The following NTM variants were observed in gnomAD, a reference collection of about 807,000 sequenced individuals.
NTM encodes the protein neurotrimin.
In NTM, 13 loss-of-function variants were observed where a neutral mutation model predicts 42.1. The observed-to-expected ratio is 0.31, with a 90% CI of 0.20 to 0.49. The LOEUF (loss-of-function observed/expected upper bound fraction) is 0.49. NTM is among the 20% of genes least tolerant of loss of function. NTM has a pLI of 0.99. For synonymous variants in NTM, 187 were observed against 179.2 expected (o/e 1.04, Z -0.35); for missense variants, 373 against 452.8 (o/e 0.82, Z 1.60).
intron 1 of NTM, among the ~76,000 whole-genome samples, chr11:131,873,636 CACAT>C (rs1457814810): frequency 9.3e-6 from 1 of 107,632 alleles, no homozygotes; most frequent in African/African-American, 5.3e-5. Flanking sequence ...TATATATATA[CACAT>C]ATATATATAC....
At chr11:131,470,746 T>G (rs1952358061) in intron 1 of NTM, among the ~76,000 whole-genome samples, 1 of 152,096 alleles carries the variant, frequency 6.6e-6, no homozygotes. Flanking sequence ...TGGTCTTCAT[T>G]TGCATGCAGT....
At chr11:131,762,404 G>A (rs1255099197) in intron 1 of NTM, among the ~76,000 whole-genome samples, 3 of 152,258 alleles carry the variant, frequency 2.0e-5, no homozygotes, top group East Asian at 1.9e-4. Flanking sequence ...GAGACAAAAT[G>A]ACGACAGAGG....
intron 1 of NTM, among the ~76,000 whole-genome samples, chr11:131,695,843 A>G (rs1276347290): frequency 6.6e-6 from 1 of 152,158 alleles, no homozygotes; most frequent in East Asian, 1.9e-4. Flanking sequence ...AGAGAGGCAA[A>G]CTTTCCCAAG....
intron 1 of NTM, among the ~76,000 whole-genome samples, chr11:131,616,975 G>T (rs1437972967): frequency 6.6e-6 from 1 of 152,194 alleles, no homozygotes; most frequent in East Asian, 1.9e-4. Context: ...CACCCCAGAT[G>T]CTGGGTTTGG....
intron 1 of NTM, among the ~76,000 whole-genome samples, chr11:131,634,356 CT>C (rs2064096975): frequency 6.6e-6 from 1 of 151,182 alleles, no homozygotes; most frequent in Non-Finnish European, 1.5e-5. Context: ...TCTAATAACT[CT>C]TCTTGAAAGA....
chr11:131,947,117 A>G (rs886994246), intron 2 of NTM, among the ~76,000 whole-genome samples: 5 of 152,348 alleles, frequency 3.3e-5, no homozygotes, highest in East Asian at 1.9e-4. Flanking sequence ...CATTTGCCAC[A>G]CTGGTAGTTA....
intron 1 of NTM, among the ~76,000 whole-genome samples, chr11:131,598,298 G>A (rs1324684368): frequency 6.6e-6 from 1 of 152,234 alleles, no homozygotes; most frequent in Non-Finnish European, 1.5e-5. Context: ...TCTTCTAGTT[G>A]TGGTGCCAGA....
intron 4 of NTM, among the ~76,000 whole-genome samples, chr11:132,257,934 G>A (rs929056789): frequency 9.2e-5 from 14 of 152,198 alleles, no homozygotes; most frequent in Non-Finnish European, 1.9e-4. Flanking sequence ...TGCCGTCCTA[G>A]TGGAGCTGGC....
At chr11:131,520,855 G>A (rs934545602) in intron 1 of NTM, among the ~76,000 whole-genome samples, 2 of 152,064 alleles carry the variant, frequency 1.3e-5, no homozygotes, top group Non-Finnish European at 2.9e-5. Flanking sequence ...AACTGAGGTT[G>A]AGTAATTTAT....
chr11:131,864,037 T>A (rs1411330415), intron 1 of NTM, among the ~76,000 whole-genome samples: 2 of 151,736 alleles, frequency 1.3e-5, no homozygotes, highest in Non-Finnish European at 2.9e-5. Flanking sequence ...GTGCCCAGCA[T>A]AAGAAGTCGG....
At chr11:132,233,559 CTT>C (rs1463214555) in intron 4 of NTM, among the ~76,000 whole-genome samples, 1 of 152,164 alleles carries the variant, frequency 6.6e-6, no homozygotes, top group African/African-American at 2.4e-5. Context: ...TATTTCATGA[CTT>C]GTGCAAATTA....
intron 4 of NTM, among the ~76,000 whole-genome samples, chr11:132,219,777 G>A: frequency 6.6e-6 from 1 of 152,152 alleles, no homozygotes; most frequent in East Asian, 1.9e-4. Context: ...CACATAGTAT[G>A]TGTCCAATAA....
At chr11:132,202,035 C>G (rs2081241353) in intron 3 of NTM, among the ~76,000 whole-genome samples, 1 of 152,194 alleles carries the variant, frequency 6.6e-6, no homozygotes, top group South Asian at 2.1e-4. Context: ...TGTTCTCTTC[C>G]TCACGAAATT....
At chr11:132,166,238 A>G (rs1461267647) in intron 3 of NTM, among the ~76,000 whole-genome samples, 1 of 152,182 alleles carries the variant, frequency 6.6e-6, no homozygotes, top group Non-Finnish European at 1.5e-5. Context: ...ACTTAGTTCC[A>G]GGTGTCATTT....
intron 4 of NTM, among the ~76,000 whole-genome samples, chr11:132,268,134 G>T (rs1298836273): frequency 2.6e-5 from 4 of 152,126 alleles, no homozygotes; most frequent in African/African-American, 9.7e-5. Context: ...AATGTGTAAA[G>T]ATTTTGCCAC....
intron 3 of NTM, among the ~76,000 whole-genome samples, chr11:132,166,358 C>T (rs1043756072): frequency 1.3e-5 from 2 of 152,114 alleles, no homozygotes; most frequent in Non-Finnish European, 2.9e-5. Flanking sequence ...ACCTCACCCA[C>T]GATAATCTAG....
intron 1 of NTM, among the ~76,000 whole-genome samples, chr11:131,619,307 C>T (rs1426815505): frequency 6.6e-6 from 1 of 152,100 alleles, no homozygotes; most frequent in East Asian, 1.9e-4. Flanking sequence ...GGGGAGGCAG[C>T]CAAGACTTGC....
chr11:131,687,088 G>A (rs1162529765), intron 1 of NTM, among the ~76,000 whole-genome samples: 2 of 152,196 alleles, frequency 1.3e-5, no homozygotes, highest in East Asian at 1.9e-4. Context: ...CCTCACTTGC[G>A]GGTCAGGACT....
At chr11:132,218,255 C>T (rs2084341591) in intron 4 of NTM, among the ~76,000 whole-genome samples, 1 of 152,088 alleles carries the variant, frequency 6.6e-6, no homozygotes, top group Admixed American at 6.5e-5. Flanking sequence ...GGGCAACCAC[C>T]CAACACCAAA....
Sources: gnomAD v4.1 joint callset for allele counts (sites outside exome capture counted in the v4.1 genomes callset) on GRCh38, gnomAD v4.1.1 for gene constraint, MANE v1.5 for transcripts, NCBI Gene and HGNC (gene_info 2026-07-23, HGNC 2026-07-21) for gene names.